The following GHR variants were observed in gnomAD, a reference collection of about 807,000 sequenced individuals.
The protein encoded by GHR is GH receptor.
GHR carries 35 observed loss-of-function variants against 67.1 expected under a neutral mutation model. The ratio of observed to expected loss-of-function variants is 0.52; its 90% CI spans 0.40 to 0.69. The LOEUF (loss-of-function observed/expected upper bound fraction) is 0.69. Ranked by LOEUF, GHR falls within the 30% of genes least tolerant of loss-of-function variation. GHR has a pLI of 0.00. For synonymous variants in GHR, 272 were observed against 269.1 expected (o/e 1.01, Z -0.10); for missense variants, 792 against 764.6 (o/e 1.04, Z -0.42).
intron 3 of GHR, among the ~76,000 whole-genome samples, chr5:42,673,569 C>G (rs1053331088): frequency 6.6e-6 from 1 of 152,146 alleles, no homozygotes; most frequent in Non-Finnish European, 1.5e-5. Context: ...GGTACATGTC[C>G]ACCATGGGAT....
intron 1 of GHR, chr5:42,467,734 G>A: frequency 6.4e-7 from 1 of 1,560,594 alleles, no homozygotes; most frequent in South Asian, 1.1e-5. Context: ...TTTCTCCCCG[G>A]TGTGGATTCT....
chr5:42,493,765 T>C (rs1267324175), intron 1 of GHR, among the ~76,000 whole-genome samples: 2 of 152,238 alleles, frequency 1.3e-5, no homozygotes, highest in Non-Finnish European at 2.9e-5. Flanking sequence ...TCCGCTCTTA[T>C]TTGTCAAGAT....
rs530137948 is a variant in GHR at position 42,565,271 on chromosome 5, G to A, written c.-11-593G>A. Among the ~76,000 whole-genome samples, 4 of 152,250 alleles carry A rather than the reference G, an allele frequency of 2.6e-5. No homozygotes were observed. In the South Asian group the frequency reaches 8.3e-4, roughly 32 times the overall value. The stretch of plus-strand genomic sequence containing the variant: ...TCTACGACACACTGTGTCCTTGTGG[G>A]TTTTTAGTTTTACTAGGGAGTTTTT... On this transcript the variant is annotated intron_variant, in intron 1 of 9. Coordinates refer to ENST00000230882, the MANE Select transcript of GHR (RefSeq NM_000163.5).
At chr5:42,513,761 A>G (rs1561088046) in intron 1 of GHR, among the ~76,000 whole-genome samples, 1 of 152,164 alleles carries the variant, frequency 6.6e-6, no homozygotes, top group African/African-American at 2.4e-5. Flanking sequence ...CAGTCTGGGC[A>G]ACAAAAGCAA....
At chr5:42,651,825 G>T (rs984825892) in intron 3 of GHR, among the ~76,000 whole-genome samples, 2 of 151,612 alleles carry the variant, frequency 1.3e-5, no homozygotes, top group Non-Finnish European at 2.9e-5. Context: ...CCTCACTCTC[G>T]AGTTAAACTC....
rs984911113 is a variant in GHR, at chr5:42,717,977, T to C, written c.876-75T>C. 15 of 776,262 alleles carry C rather than the reference T, an allele frequency of 1.9e-5. No individual in the cohort carries two copies. In the African/African-American group the frequency reaches 2.7e-4, roughly 14 times the overall value. The allele number at this position is 776,262 out of a possible 1,614,324, so 48.1% of individuals were successfully genotyped here. ...AAAAGTAATAGTATTGCCAATATTT[T>C]ATTTCTATCTTTTGCTATAATTGAG... On this transcript the variant is annotated intron_variant, in intron 8 of 9. Coordinates refer to ENST00000230882, the MANE Select transcript of GHR (RefSeq NM_000163.5).
chr5:42,474,008 C>T (rs1001868729), intron 1 of GHR, among the ~76,000 whole-genome samples: 10 of 151,448 alleles, frequency 6.6e-5, no homozygotes, highest in Non-Finnish European at 1.5e-4. Context: ...GCCAACATGG[C>T]GAAACCTTAT....
At position 42,518,768 on chromosome 5, in the gene GHR, G is replaced by C. The variant is rs1232083164; in HGVS notation, c.-11-47096G>C. ...TTTGGCATTCACAAGAAACCATGTT[G>C]ATATCTGATCCTCCCACTGGAGAAA... is the stretch of plus-strand genomic sequence containing the variant. On this transcript the variant is annotated intron_variant, in intron 1 of 9. Coordinates refer to ENST00000230882, the MANE Select transcript of GHR (RefSeq NM_000163.5). Among the ~76,000 whole-genome samples, 21 of 152,282 alleles carry C rather than the reference G, an allele frequency of 1.4e-4. No individual in the cohort carries two copies. The East Asian group carries it at 4.1e-3, about 29-fold the overall frequency.
chr5:42,650,924 G>A (rs997347493), intron 3 of GHR, among the ~76,000 whole-genome samples: 9 of 152,200 alleles, frequency 5.9e-5, no homozygotes, highest in Admixed American at 3.3e-4. Flanking sequence ...AAAGTCTGAA[G>A]GTTTATAGGT....
Position 42,579,151 on chromosome 5 carries a change from T to TATAGATAG in GHR, c.70+13249_70+13256dup, listed in dbSNP as rs10533483. ...GATAGATAGATAGATGATAGATAGA[T>TATAGATAG]ATAGATAGATAGATAGATAGATAGA... On this transcript the variant is annotated intron_variant, in intron 2 of 9. Transcript: ENST00000230882. Among the ~76,000 whole-genome samples, 274 of 88,144 alleles carry TATAGATAG rather than the reference T, an allele frequency of 3.1e-3. 3 individuals are homozygous for TATAGATAG. The highest frequency in any genetic ancestry group is 6.9e-3 in the South Asian group (19 of 2,772). The allele number at this position is 88,144 out of a possible 152,430, so 57.8% of individuals were successfully genotyped here. A position where few individuals can be genotyped will look rare whatever the true frequency, so the allele number is the denominator to read the frequency against.
chr5:42,484,316 T>G (rs1035552072), intron 1 of GHR, among the ~76,000 whole-genome samples: 5 of 152,224 alleles, frequency 3.3e-5, no homozygotes, highest in Admixed American at 2.6e-4. Flanking sequence ...TGATTCATAT[T>G]TACCTTATGT....
chr5:42,496,768 C>A (rs1746337246), intron 1 of GHR, among the ~76,000 whole-genome samples: 1 of 152,068 alleles, frequency 6.6e-6, no homozygotes, highest in Non-Finnish European at 1.5e-5. Context: ...TTTTCACACT[C>A]CGTTTAAATC....
At chr5:42,501,843 AAACT>A (rs1340185939) in intron 1 of GHR, among the ~76,000 whole-genome samples, 3 of 152,236 alleles carry the variant, frequency 2.0e-5, no homozygotes, top group Non-Finnish European at 4.4e-5. Flanking sequence ...GCTCTTCCAC[AAACT>A]ATACTGCCAA....
At chr5:42,512,901 G>A (rs1193984456) in intron 1 of GHR, among the ~76,000 whole-genome samples, 4 of 151,746 alleles carry the variant, frequency 2.6e-5, no homozygotes, top group African/African-American at 9.7e-5. Flanking sequence ...ACTTTTGGTG[G>A]CATCACCCCT....
chr5:42,432,404 G>T (rs1743133470), intron 1 of GHR, among the ~76,000 whole-genome samples: 1 of 152,166 alleles, frequency 6.6e-6, no homozygotes, highest in African/African-American at 2.4e-5. Context: ...TGAATTTGAT[G>T]ATGGCTGGTG....
intron 1 of GHR, among the ~76,000 whole-genome samples, chr5:42,531,129 A>G (rs181223705): frequency 3.3e-5 from 5 of 152,102 alleles, no homozygotes; most frequent in African/African-American, 4.8e-5. Flanking sequence ...TTAGCCAGAC[A>G]TGGTGGTGTG....
chr5:42,430,570 G>C (rs1304443308), intron 1 of GHR, among the ~76,000 whole-genome samples: 1 of 151,526 alleles, frequency 6.6e-6, no homozygotes. Context: ...GATAATCATA[G>C]TGTTGTGCAC....
intron 2 of GHR, among the ~76,000 whole-genome samples, chr5:42,603,476 G>C (rs1261528359): frequency 6.6e-6 from 1 of 151,888 alleles, no homozygotes. Context: ...TCCGTAATAT[G>C]TATATGGGTT....
At chr5:42,531,474 T>C (rs1476769656) in intron 1 of GHR, among the ~76,000 whole-genome samples, 27 of 128,694 alleles carry the variant, frequency 2.1e-4, no homozygotes, top group Non-Finnish European at 1.0e-4. Flanking sequence ...CAGATGACCA[T>C]AGACTTTTTT....
Sources: allele counts gnomAD v4.1 joint callset (sites outside exome capture counted in the v4.1 genomes callset), GRCh38; gene constraint gnomAD v4.1.1; transcripts MANE v1.5; gene names NCBI Gene and HGNC (gene_info 2026-07-23, HGNC 2026-07-21).